Variants in CELF2 observed in about 807,000 individuals in gnomAD.
CELF2 encodes CUG triplet repeat RNA-binding protein 2.
In CELF2, 8 loss-of-function variants were observed where a neutral mutation model predicts 62.6. The observed-to-expected ratio is 0.13, with a 90% CI of 0.07 to 0.23. The LOEUF (loss-of-function observed/expected upper bound fraction) is 0.23, where lower values mean the gene tolerates loss of function less well. Among genes scored for constraint, CELF2 ranks in the 10% least tolerant of loss-of-function variants. The probability of loss-of-function intolerance (pLI) is 1.00; values close to 1 mark genes in which losing one functional copy is unlikely to be tolerated. For missense variants in CELF2, 333 were observed against 671.0 expected (o/e 0.50, Z 5.56); for synonymous variants, 258 against 250.0 (o/e 1.03, Z -0.30).
the CELF2 span, among the ~76,000 whole-genome samples, chr10:10,628,872 T>C: frequency 6.6e-6 from 1 of 152,112 alleles, no homozygotes; most frequent in Admixed American, 6.5e-5. Context: ...AAAAAGACTT[T>C]CCTGTTTATC....
At chr10:11,048,749 C>T (rs1218240919) in intron 1 of CELF2, among the ~76,000 whole-genome samples, 3 of 152,230 alleles carry the variant, frequency 2.0e-5, no homozygotes, top group Non-Finnish European at 4.4e-5. Context: ...CATTTTCCAT[C>T]TCAGCCAATC....
At chr10:10,695,880 G>C in the CELF2 span, among the ~76,000 whole-genome samples, 3 of 151,466 alleles carry the variant, frequency 2.0e-5, no homozygotes, top group African/African-American at 7.3e-5. Context: ...GCACTTCTCT[G>C]TATTGGTTAT....
chr10:10,464,536 G>A, the CELF2 span, among the ~76,000 whole-genome samples: 6 of 151,738 alleles, frequency 4.0e-5, no homozygotes, highest in Non-Finnish European at 5.9e-5. Context: ...CCAAAATCCC[G>A]TACGTGAAAA....
chr10:11,147,810 C>A lies in CELF2; in HGVS notation c.75-17676C>A, dbSNP rs558908922. Among the ~76,000 whole-genome samples the A allele has an allele frequency of 2.6e-5, 4 of 152,306 alleles. No homozygotes were observed. The East Asian group carries it at 5.8e-4, about 22-fold the overall frequency. ...GAGTTGAGATTTCATATTACTGTAT[C>A]ACTTGCAAATCCATTTTTGTGAACA... On this transcript the variant is annotated intron_variant, in intron 1 of 12. Transcript: ENST00000633077.
rs2065727700 is a variant in CELF2, at chr10:11,224,080, G to A, written c.354+6573G>A. 6.6e-6 allele frequency among the ~76,000 whole-genome samples: 1 copy of A among 152,162 alleles called. No individual in the cohort carries two copies. On this transcript the variant is annotated intron_variant, in intron 3 of 12. Transcript: ENST00000633077. The surrounding 1 kb of genome is among the most constrained non-coding windows in gnomAD (Gnocchi z 4.5). ...GCCTACTCGGTATAAGGAATTGTAC[G>A]AGAGAAAATGTATGAGGATTCTTCA...
At chr10:11,172,134 G>T (rs759067739) in intron 2 of CELF2, among the ~76,000 whole-genome samples, 10 of 152,204 alleles carry the variant, frequency 6.6e-5, no homozygotes, top group Non-Finnish European at 1.3e-4. Flanking sequence ...GAAAAGCAGG[G>T]TTGCTGCCCT....
intron 1 of CELF2, among the ~76,000 whole-genome samples, chr10:10,817,048 G>A (rs902426255): frequency 2.0e-5 from 3 of 152,180 alleles, no homozygotes; most frequent in African/African-American, 7.2e-5. Context: ...TTTCCAGATG[G>A]TACAGAACCA....
intron 2 of CELF2, among the ~76,000 whole-genome samples, chr10:10,944,020 T>C (rs529584471): frequency 1.3e-5 from 2 of 152,318 alleles, no homozygotes; most frequent in South Asian, 2.1e-4. Context: ...TACTTAACTA[T>C]GAAATAACAT....
At chr10:11,288,594 G>A in intron 9 of CELF2, 42 bp downstream of exon 9, 13 of 1,606,918 alleles carry the variant, frequency 8.1e-6, no homozygotes, top group Non-Finnish European at 1.0e-5. Context: ...TGATGCAGCA[G>A]GAGTGGCAGG....
intron 2 of CELF2, among the ~76,000 whole-genome samples, chr10:10,949,635 T>C (rs1025101849): frequency 6.8e-6 from 1 of 147,042 alleles, no homozygotes; most frequent in Non-Finnish European, 1.5e-5. Flanking sequence ...CTACTAAAAA[T>C]ACCAAAAAAA....
At chr10:11,239,768 A>G (rs775273095) in intron 3 of CELF2, among the ~76,000 whole-genome samples, 8 of 152,124 alleles carry the variant, frequency 5.3e-5, no homozygotes, top group Non-Finnish European at 1.0e-4. Context: ...TGGTGATTGA[A>G]AGTTTTCTGA....
At chr10:10,827,155 A>G (rs2132121571) in intron 1 of CELF2, among the ~76,000 whole-genome samples, 1 of 152,174 alleles carries the variant, frequency 6.6e-6, no homozygotes, top group African/African-American at 2.4e-5. Context: ...AAATTCTGAT[A>G]TTTTGACCCA....
chr10:10,548,713 T>C, the CELF2 span, among the ~76,000 whole-genome samples: 5 of 152,224 alleles, frequency 3.3e-5, no homozygotes, highest in Non-Finnish European at 2.9e-5. Flanking sequence ...AGTTATATAA[T>C]AGTCATAAAT....
In CELF2 at chr10:11,223,658, A is replaced by G; in HGVS notation, c.354+6151A>G. Among the ~76,000 whole-genome samples the G allele has an allele frequency of 6.6e-6, 1 of 152,350 alleles. No homozygotes were observed. Among genetic ancestry groups the G allele is most frequent in the South Asian group, 2.1e-4 (1 of 4,828 alleles). Reference sequence around the variant, plus strand: ...GCTCCGGAGGAGTCCTTGAGGGTGCAGAAGCTCCCTTCCCCCTGCAGGAGT... The same window carrying G: ...GCTCCGGAGGAGTCCTTGAGGGTGCGGAAGCTCCCTTCCCCCTGCAGGAGT... On this transcript the variant is annotated intron_variant, in intron 3 of 12. Transcript: ENST00000633077. This position sits in a 1 kb window ranked among gnomAD's most constrained non-coding sequence, Gnocchi z 5.1.
chr10:10,528,344 G>A, the CELF2 span, among the ~76,000 whole-genome samples: 1 of 152,186 alleles, frequency 6.6e-6, no homozygotes, highest in South Asian at 2.1e-4. Flanking sequence ...TGGAGCTGCA[G>A]ACACCTTGGC....
At chr10:10,562,261 T>C in the CELF2 span, among the ~76,000 whole-genome samples, 1 of 150,426 alleles carries the variant, frequency 6.6e-6, no homozygotes, top group Non-Finnish European at 1.5e-5. Flanking sequence ...GTGGGCAGAT[T>C]CTCCACATAA....
At chr10:11,136,916 T>C (rs933730385) in intron 1 of CELF2, among the ~76,000 whole-genome samples, 2 of 152,268 alleles carry the variant, frequency 1.3e-5, no homozygotes, top group African/African-American at 4.8e-5. Context: ...ATCATTCTGC[T>C]GACTTAATAT....
intron 2 of CELF2, among the ~76,000 whole-genome samples, chr10:10,926,225 A>G (rs2065443249): frequency 6.6e-6 from 1 of 151,978 alleles, no homozygotes; most frequent in Admixed American, 6.6e-5. Flanking sequence ...GACTCTGGGG[A>G]GGTGAGAATG....
chr10:10,866,008 G>T (rs10905850), intron 1 of CELF2, among the ~76,000 whole-genome samples: 38,106 of 151,834 alleles, frequency 0.25, 4,832 homozygotes, highest in South Asian at 0.31. Flanking sequence ...AGGTGCGTGT[G>T]TGGGGGTAGA....
Sources: allele counts gnomAD v4.1 joint callset (sites outside exome capture counted in the v4.1 genomes callset), GRCh38; gene constraint gnomAD v4.1.1; non-coding constraint Gnocchi (gnomAD v3.1); transcripts MANE v1.5; gene names NCBI Gene and HGNC (gene_info 2026-07-23, HGNC 2026-07-21).